Variants in SNX13 observed in about 807,000 individuals in gnomAD.
The protein encoded by SNX13 is sorting nexin-13.
In SNX13, 45 loss-of-function variants were observed where a neutral mutation model predicts 133.6. The ratio of observed to expected loss-of-function variants is 0.34; its 90% CI spans 0.27 to 0.43. The LOEUF (loss-of-function observed/expected upper bound fraction) is 0.43, where lower values mean the gene tolerates loss of function less well. SNX13 is among the 20% of genes least tolerant of loss of function. The probability of loss-of-function intolerance (pLI) is 1.00; values close to 1 mark genes in which losing one functional copy is unlikely to be tolerated. For synonymous variants in SNX13, 414 were observed against 373.9 expected (o/e 1.11, Z -1.24); for missense variants, 1,032 against 1,145.1 (o/e 0.90, Z 1.43).
intron 16 of SNX13, among the ~76,000 whole-genome samples, chr7:17,829,026 A>G (rs563137287): frequency 6.6e-6 from 1 of 151,666 alleles, no homozygotes; most frequent in East Asian, 1.9e-4. Flanking sequence ...TTTAGGAAAT[A>G]TTTTAAAAGT....
intron 20 of SNX13, among the ~76,000 whole-genome samples, chr7:17,807,430 C>T (rs1011977638): frequency 6.6e-5 from 10 of 152,208 alleles, no homozygotes; most frequent in Non-Finnish European, 1.2e-4. Context: ...CACTAGATTC[C>T]TCCTCTGGGC....
intron 9 of SNX13, among the ~76,000 whole-genome samples, chr7:17,852,654 G>A (rs1392778956): frequency 3.9e-5 from 6 of 152,126 alleles, no homozygotes; most frequent in Admixed American, 3.9e-4. Context: ...TGGAATGTAA[G>A]ATCAATGACT....
At chr7:17,926,777 T>C (rs1319028451) in intron 1 of SNX13, among the ~76,000 whole-genome samples, 1 of 152,086 alleles carries the variant, frequency 6.6e-6, no homozygotes, top group Non-Finnish European at 1.5e-5. Context: ...TCCCAGCTAC[T>C]TGGGGGGCTG....
chr7:17,797,312 CT>C, intron 24 of SNX13, among the ~76,000 whole-genome samples: 1 of 151,894 alleles, frequency 6.6e-6, no homozygotes, highest in East Asian at 1.9e-4. Context: ...ATCTCAATGC[CT>C]TAGAGTTTAA....
intron 18 of SNX13, among the ~76,000 whole-genome samples, chr7:17,817,443 C>A (rs1456331821): frequency 6.6e-6 from 1 of 152,092 alleles, no homozygotes; most frequent in Non-Finnish European, 1.5e-5. Context: ...AAAACTAATT[C>A]TTGGTGCAGA....
intron 1 of SNX13, among the ~76,000 whole-genome samples, chr7:17,928,020 G>T (rs1800957445): frequency 6.6e-6 from 1 of 152,118 alleles, no homozygotes; most frequent in Non-Finnish European, 1.5e-5. Flanking sequence ...TACAATAAAA[G>T]TCCTAATATT....
chr7:17,852,368 G>A (rs544205702), intron 9 of SNX13, among the ~76,000 whole-genome samples: 3 of 151,560 alleles, frequency 2.0e-5, no homozygotes, highest in South Asian at 2.1e-4. Context: ...GTGAGATTCC[G>A]TCTCAAAAAG....
intron 9 of SNX13, among the ~76,000 whole-genome samples, chr7:17,859,565 T>G (rs1459930273): frequency 6.6e-6 from 1 of 152,154 alleles, no homozygotes; most frequent in Non-Finnish European, 1.5e-5. Flanking sequence ...TTTATCACCT[T>G]AAACAATTTA....
At chr7:17,850,801 A>C in intron 10 of SNX13, 25 bp downstream of exon 10, 1 of 1,493,876 alleles carries the variant, frequency 6.7e-7, no homozygotes, top group East Asian at 2.4e-5. Context: ...AAAAAAATAT[A>C]TCTTAAATTA....
chr7:17,801,673 C>A lies in SNX13; in HGVS notation c.2227-14G>T. The A allele has an allele frequency of 6.3e-7, 1 of 1,590,060 alleles. No homozygotes were observed. The highest frequency in any genetic ancestry group is 8.6e-7 in the Non-Finnish European group (1 of 1,165,628). On this transcript the variant is annotated splice_polypyrimidine_tract_variant and intron_variant, in intron 21 of 25. Transcript: ENST00000428135. The stretch of plus-strand genomic sequence containing the variant: ...TAAAGGAGGCACCTAAAAATAAAAC[C>A]AAATCCACAAAGTAAACACACTAAA...
chr7:17,895,822 TA>T (rs1043636429), intron 2 of SNX13, among the ~76,000 whole-genome samples: 22 of 152,032 alleles, frequency 1.4e-4, no homozygotes, highest in African/African-American at 5.1e-4. Flanking sequence ...AGCAGTTGAG[TA>T]AAAAAAGAAA....
chr7:17,794,048 C>T lies in SNX13; in HGVS notation c.2871G>A (p.Arg957=). The change falls in exon 26 of 26, where the codon AGG becomes AGA. Residue 957 remains arginine, a synonymous_variant. Coordinates refer to ENST00000428135, the MANE Select transcript of SNX13 (RefSeq NM_015132.5). The part of the protein sequence containing the change: ...QTTQAPSLQK[R] ...ACCAGCTTCATAGAGTGGAGTGTCA[C>T]CTTTTCTGCAAAGAAGGCGCTTGAG... 2 of 1,610,802 alleles carry T rather than the reference C, an allele frequency of 1.2e-6. No individual in the cohort carries two copies. Among genetic ancestry groups the T allele is most frequent in the South Asian group, 1.1e-5 (1 of 90,920 alleles).
At chr7:17,937,510 T>C (rs973093833) in intron 1 of SNX13, among the ~76,000 whole-genome samples, 1 of 51,826 alleles carries the variant, frequency 1.9e-5, no homozygotes, top group Non-Finnish European at 3.4e-5. Context: ...CAAGACTCCG[T>C]CTCAAAAAAA....
At chr7:17,871,156 C>A (rs1199001233) in intron 8 of SNX13, among the ~76,000 whole-genome samples, 1 of 152,018 alleles carries the variant, frequency 6.6e-6, no homozygotes, top group Non-Finnish European at 1.5e-5. Context: ...CAGGCGCCTG[C>A]CACCATGCCC....
At chr7:17,865,154 C>T (rs1257606301) in intron 9 of SNX13, among the ~76,000 whole-genome samples, 1 of 152,104 alleles carries the variant, frequency 6.6e-6, no homozygotes, top group South Asian at 2.1e-4. Flanking sequence ...TAAGAAATCA[C>T]CTGAAAGTAT....
At chr7:17,903,120 T>C (rs1244558736) in intron 1 of SNX13, among the ~76,000 whole-genome samples, 2 of 152,182 alleles carry the variant, frequency 1.3e-5, no homozygotes, top group Admixed American at 1.3e-4. Context: ...GAGATATCCA[T>C]GCTGACTGGT....
intron 9 of SNX13, among the ~76,000 whole-genome samples, chr7:17,857,165 A>C (rs1448188129): frequency 6.6e-6 from 1 of 152,162 alleles, no homozygotes; most frequent in South Asian, 2.1e-4. Context: ...CTCACACATA[A>C]AATTACCAGC....
chr7:17,891,473 T>C lies in SNX13; in HGVS notation c.318+73A>G, dbSNP rs972326684. The C allele has an allele frequency of 3.3e-5, 36 of 1,078,696 alleles. No homozygotes were observed. The East Asian group carries it at 8.8e-4, about 27-fold the overall frequency. The allele number at this position is 1,078,696 out of a possible 1,614,324, so 66.8% of individuals were successfully genotyped here. On this transcript the variant is annotated intron_variant, in intron 4 of 25. Coordinates refer to ENST00000428135, the MANE Select transcript of SNX13 (RefSeq NM_015132.5). ...ATATTATTTAAAGAGCAAAAAGTAT[T>C]TCCTGGTATCTTCAAAAGAAATATA...
chr7:17,792,983 T>C lies in SNX13; in HGVS notation c.*1062A>G, dbSNP rs1346309544. 1 of 152,414 alleles carries C rather than the reference T, an allele frequency of 6.6e-6. No individual in the cohort carries two copies. The highest frequency in any genetic ancestry group is 6.6e-5 in the Admixed American group (1 of 15,238). 9.4% of individuals were successfully genotyped at this position (152,414 alleles called of 1,614,324 possible). A position where few individuals can be genotyped will look rare whatever the true frequency, so the allele number is the denominator to read the frequency against. On this transcript the variant is annotated 3_prime_UTR_variant, in exon 26 of 26. Transcript: ENST00000428135. ...TAAAAGCATATTTTTAAAAATATTA[T>C]AGTTCTTTTTTCATCATTTATTTTC... is the stretch of plus-strand genomic sequence containing the variant.
Sources: gnomAD v4.1 joint callset for allele counts (sites outside exome capture counted in the v4.1 genomes callset) on GRCh38, gnomAD v4.1.1 for gene constraint, MANE v1.5 for transcripts, NCBI Gene and HGNC (gene_info 2026-07-23, HGNC 2026-07-21) for gene names.